Variants in SMYD3 observed in about 807,000 individuals in gnomAD.
SMYD3 encodes the protein SET and MYND domain containing 3.
SMYD3 carries 36 observed loss-of-function variants against 57.7 expected under a neutral mutation model. The observed-to-expected ratio is 0.62, with a 90% CI of 0.48 to 0.82. SMYD3 has a LOEUF of 0.82. Ranked by LOEUF, SMYD3 falls within the 40% of genes least tolerant of loss-of-function variation. SMYD3 has a pLI of 0.00. For synonymous variants in SMYD3, 211 were observed against 195.0 expected (o/e 1.08, Z -0.68); for missense variants, 515 against 538.8 (o/e 0.96, Z 0.44).
chr1:246,351,249 T>C (rs990457947), intron 2 of SMYD3, among the ~76,000 whole-genome samples: 1 of 152,232 alleles, frequency 6.6e-6, no homozygotes, highest in Non-Finnish European at 1.5e-5. Flanking sequence ...AAATTACAAT[T>C]TGATGGAGTG....
chr1:245,845,720 AGCT>A (rs1558414577), intron 10 of SMYD3, among the ~76,000 whole-genome samples: 3 of 152,194 alleles, frequency 2.0e-5, no homozygotes, highest in African/African-American at 7.2e-5. Flanking sequence ...AATGGCGGAG[AGCT>A]GCTGCTTCCT....
At chr1:246,134,501 T>A (rs978052524) in intron 5 of SMYD3, among the ~76,000 whole-genome samples, 1 of 152,126 alleles carries the variant, frequency 6.6e-6, no homozygotes, top group Non-Finnish European at 1.5e-5. Context: ...ACATACTATT[T>A]ATATGCCCCT....
At chr1:245,860,372 C>T (rs928800542) in intron 9 of SMYD3, among the ~76,000 whole-genome samples, 8 of 152,184 alleles carry the variant, frequency 5.3e-5, no homozygotes, top group Non-Finnish European at 8.8e-5. Flanking sequence ...TCTCAGAACA[C>T]GGCTTTCTGA....
intron 10 of SMYD3, among the ~76,000 whole-genome samples, chr1:245,841,941 T>C (rs371248962): frequency 6.6e-6 from 1 of 152,334 alleles, no homozygotes; most frequent in African/African-American, 2.4e-5. Flanking sequence ...ACCTATATAA[T>C]TTTAAATTTT....
intron 5 of SMYD3, among the ~76,000 whole-genome samples, chr1:246,242,605 C>T (rs868272595): frequency 1.8e-4 from 27 of 152,044 alleles, no homozygotes; most frequent in African/African-American, 6.3e-4. Flanking sequence ...CAATATTAAC[C>T]TTAAATGTAA....
At chr1:245,834,243 G>A (rs1036125432) in intron 10 of SMYD3, among the ~76,000 whole-genome samples, 1 of 152,172 alleles carries the variant, frequency 6.6e-6, no homozygotes, top group Non-Finnish European at 1.5e-5. Flanking sequence ...GCATTTAAAT[G>A]CATTTCTTTG....
intron 1 of SMYD3, among the ~76,000 whole-genome samples, chr1:246,485,956 A>G (rs1020338043): frequency 6.6e-6 from 1 of 152,228 alleles, no homozygotes; most frequent in Non-Finnish European, 1.5e-5. Context: ...TAAATGAGAT[A>G]ATGCACACTA....
chr1:246,236,921 C>T (rs1318802320), intron 5 of SMYD3, among the ~76,000 whole-genome samples: 7 of 152,180 alleles, frequency 4.6e-5, no homozygotes, highest in Admixed American at 3.9e-4. Flanking sequence ...AAGCGAGAGA[C>T]AAGAGGTCTC....
intron 5 of SMYD3, among the ~76,000 whole-genome samples, chr1:246,047,376 A>T (rs188703112): frequency 2.7e-4 from 41 of 152,368 alleles, no homozygotes; most frequent in African/African-American, 8.7e-4. Flanking sequence ...CCAAGTGTTA[A>T]ATCACTCAAT....
intron 5 of SMYD3, among the ~76,000 whole-genome samples, chr1:246,267,532 G>A (rs4615812): frequency 0.35 from 53,080 of 152,050 alleles, 10,352 homozygotes; most frequent in East Asian, 0.79. Flanking sequence ...CCAGCAAACT[G>A]TTCCTGGTAT....
At chr1:246,180,999 T>C (rs1213028625) in intron 5 of SMYD3, among the ~76,000 whole-genome samples, 1 of 152,092 alleles carries the variant, frequency 6.6e-6, no homozygotes, top group Non-Finnish European at 1.5e-5. Flanking sequence ...ATAGGGGTTC[T>C]ATTTGTTTCC....
chr1:245,799,450 T>TAGTCCCTCCTGCCTACCTTCTACCCTAAG (rs143186206), intron 10 of SMYD3, among the ~76,000 whole-genome samples: 7 of 151,428 alleles, frequency 4.6e-5, no homozygotes, highest in Non-Finnish European at 8.8e-5. Flanking sequence ...AGTGCTGTTA[T>TAGTCCCTCCTGCCTACCTTCTACCCTAAG]AGTCCCTCTC....
At chr1:245,805,273 G>A (rs1558361204) in intron 10 of SMYD3, among the ~76,000 whole-genome samples, 1 of 150,542 alleles carries the variant, frequency 6.6e-6, no homozygotes, top group Non-Finnish European at 1.5e-5. Context: ...AGAGGGGCAA[G>A]TTTATTATGT....
intron 5 of SMYD3, among the ~76,000 whole-genome samples, chr1:246,232,895 A>G (rs1405066594): frequency 9.0e-5 from 12 of 132,716 alleles, no homozygotes; most frequent in Non-Finnish European, 1.1e-4. Context: ...TACCACACAG[A>G]GGAGAAGCAC....
At chr1:246,326,581 C>T (rs1206922160) in intron 5 of SMYD3, among the ~76,000 whole-genome samples, 2 of 145,686 alleles carry the variant, frequency 1.4e-5, no homozygotes, top group African/African-American at 5.0e-5. Flanking sequence ...CAAGACCATC[C>T]GTCTCTACAA....
chr1:245,946,874 T>G (rs543989672), intron 5 of SMYD3, among the ~76,000 whole-genome samples: 1 of 152,240 alleles, frequency 6.6e-6, no homozygotes, highest in Admixed American at 6.5e-5. Context: ...CATTTCTCTC[T>G]AATTTTGACA....
At chr1:245,895,718 G>C (rs1442768717) in intron 8 of SMYD3, among the ~76,000 whole-genome samples, 1 of 152,180 alleles carries the variant, frequency 6.6e-6, no homozygotes, top group African/African-American at 2.4e-5. Context: ...GGTTTACAGG[G>C]CATAGCCCAG....
chr1:245,939,782 T>C (rs1439079090), intron 5 of SMYD3, among the ~76,000 whole-genome samples: 1 of 152,214 alleles, frequency 6.6e-6, no homozygotes, highest in African/African-American at 2.4e-5. Context: ...CACCTTCATG[T>C]CTCTGCCAGG....
At chr1:246,237,453 G>A (rs2063530581) in intron 5 of SMYD3, among the ~76,000 whole-genome samples, 1 of 152,138 alleles carries the variant, frequency 6.6e-6, no homozygotes, top group African/African-American at 2.4e-5. Flanking sequence ...AGGGCTGCTG[G>A]AAATTCAAGG....
Sources: allele counts gnomAD v4.1 joint callset (sites outside exome capture counted in the v4.1 genomes callset), GRCh38; gene constraint gnomAD v4.1.1; transcripts MANE v1.5; gene names NCBI Gene and HGNC (gene_info 2026-07-23, HGNC 2026-07-21).